Variants in SPTBN5 observed in about 807,000 individuals in gnomAD.
SPTBN5 encodes the protein spectrin beta chain, non-erythrocytic 5.
In SPTBN5, 513 loss-of-function variants were observed where a neutral mutation model predicts 477.6. The observed-to-expected ratio is 1.07, with a 90% CI of 1.00 to 1.16. The LOEUF (loss-of-function observed/expected upper bound fraction) is 1.16, where lower values mean the gene tolerates loss of function less well. Ranked by LOEUF, SPTBN5 falls within the 50% of genes most tolerant of loss-of-function variation. The pLI, the probability that SPTBN5 is intolerant of heterozygous loss-of-function variation, is 0.00. For synonymous variants in SPTBN5, 2,169 were observed against 2,011.7 expected, an observed-to-expected ratio of 1.08 and a Z score of -2.09; for missense variants, 5,062 against 4,731.8, an observed-to-expected ratio of 1.07 and a Z score of -2.05.
intron 62 of SPTBN5, 73 bp from the exon 63 acceptor site, chr15:41,851,923 C>A (rs2065778391): frequency 8.2e-7 from 1 of 1,220,320 alleles, no homozygotes; most frequent in African/African-American, 1.5e-5. Flanking sequence ...CACCCACTGC[C>A]CCCAGCTCTC....
chr15:41,863,943 T>A lies in SPTBN5; in HGVS notation c.7000A>T (p.Ile2334Phe), dbSNP rs747148266. The A allele has an allele frequency of 7.4e-6, 12 of 1,613,768 alleles. No individual in the cohort carries two copies. In the Admixed American group the frequency reaches 2.0e-4, roughly 27 times the overall value. The change falls in exon 40 of 68, where the codon ATC becomes TTC. Residue 2334 changes from isoleucine to phenylalanine, a missense_variant. Coordinates refer to ENST00000320955, the MANE Select transcript of SPTBN5 (RefSeq NM_016642.4). The stretch of plus-strand genomic sequence containing the variant: ...AGCTGGCTTCGCCGCTGGCAGATGA[T>A]CTTGACTTCCTCAGGGTCCCGGTTC... ...LKNRDPEEVKIICQRRSQLNN... is the reference protein window; with the variant it reads ...LKNRDPEEVKFICQRRSQLNN...
chr15:41,856,302 C>T, intron 53 of SPTBN5, 84 bp downstream of exon 53: 1 of 1,289,534 alleles, frequency 7.8e-7, no homozygotes, highest in Non-Finnish European at 1.0e-6. Flanking sequence ...GGTGCCCAGG[C>T]CAGGAGCCCC....
At chr15:41,873,105 G>C (rs950081490) in intron 26 of SPTBN5, among the ~76,000 whole-genome samples, 7 of 152,176 alleles carry the variant, frequency 4.6e-5, no homozygotes, top group African/African-American at 1.7e-4. Context: ...AAGGGCATTT[G>C]GTTAACTCAA....
rs779490283 is a variant in SPTBN5 at position 41,886,244 on chromosome 15, C to T, written c.1011G>A (p.Ser337=). The change falls in exon 7 of 68, where the codon TCG becomes TCA. Residue 337 remains serine, a synonymous_variant. Transcript: ENST00000320955. The part of the protein sequence containing the change: ...MQLEARDFPD[S]LPAMRQLLAA... ...CCAGTAGCTGCCGCATGGCGGGCAG[C>T]GAGTCTGGAAAATCCCGCGCCTCCA... is the stretch of plus-strand genomic sequence containing the variant. The T allele has an allele frequency of 1.7e-5, 27 of 1,612,982 alleles. No homozygotes were observed. The highest frequency in any genetic ancestry group is 1.6e-4 in the Middle Eastern group (1 of 6,084).
chr15:41,862,333 C>G (rs764028110), intron 43 of SPTBN5, 41 bp from the exon 44 acceptor site: 1 of 1,556,386 alleles, frequency 6.4e-7, no homozygotes, highest in African/African-American at 1.4e-5. Flanking sequence ...GGCCTTCAAA[C>G]CCCTCTCCCC....
Position 41,864,008 on chromosome 15 carries a change from G to A in SPTBN5, c.6935C>T (p.Ala2312Val). Reference protein sequence around the residue: ...GNSAGDTVGDACIRSISDLSL... With the variant: ...GNSAGDTVGDVCIRSISDLSL... ...CAAGTCACTGATGCTCCTGATGCAG[G>A]CATCACCCACTGTGTCCTGCAGGGG... Residue 2312 changes from alanine (A) to valine (V), a missense_variant, in exon 40 of 68, where the codon GCC becomes GTC. Coordinates refer to ENST00000320955, the MANE Select transcript of SPTBN5 (RefSeq NM_016642.4). 6.2e-7 allele frequency: 1 copy of A among 1,613,258 alleles called. No individual in the cohort carries two copies. The highest frequency in any genetic ancestry group is 8.5e-7 in the Non-Finnish European group (1 of 1,179,780).
chr15:41,893,654 C>T lies in SPTBN5; in HGVS notation c.-49-108G>A, dbSNP rs1054706652. Reference sequence around the variant, plus strand: ...TCCTCACATTTCATGGGGGTTGCAGCTTGGAGCCCAGCCAGGTAAGGGCCA... The same window carrying T: ...TCCTCACATTTCATGGGGGTTGCAGTTTGGAGCCCAGCCAGGTAAGGGCCA... On this transcript the variant is annotated intron_variant, in intron 1 of 67. Transcript: ENST00000320955. 3 of 1,355,216 alleles carry T rather than the reference C, an allele frequency of 2.2e-6. No homozygotes were observed. The African/African-American group carries it at 4.4e-5, about 20-fold the overall frequency. 83.9% of individuals were successfully genotyped at this position (1,355,216 alleles called of 1,614,324 possible).
chr15:41,850,109 G>T (rs565010963), intron 66 of SPTBN5, 150 bp from the exon 67 acceptor site: 1 of 673,928 alleles, frequency 1.5e-6, no homozygotes, highest in South Asian at 1.7e-5. Flanking sequence ...GGTGTGGGGC[G>T]GGCTGAGCAC....
chr15:41,867,267 G>T, intron 35 of SPTBN5, 141 bp from the exon 36 acceptor site: 1 of 1,064,786 alleles, frequency 9.4e-7, no homozygotes, highest in Non-Finnish European at 1.3e-6. Context: ...GATCCTCCCA[G>T]CCACAAGCCA....
intron 34 of SPTBN5, among the ~76,000 whole-genome samples, 184 bp from the exon 35 acceptor site, chr15:41,867,826 T>C (rs1266969235): frequency 2.6e-5 from 4 of 152,116 alleles, no homozygotes; most frequent in Admixed American, 2.6e-4. Flanking sequence ...CTCTGCACCA[T>C]GTGGGGAGCA....
Position 41,853,680 on chromosome 15 carries a change from C to A in SPTBN5, c.9882G>T (p.Glu3294Asp). The A allele has an allele frequency of 6.2e-7, 1 of 1,603,440 alleles. No homozygotes were observed. The highest frequency in any genetic ancestry group is 8.5e-7 in the Non-Finnish European group (1 of 1,177,234). The change falls in exon 58 of 68, where the codon GAG becomes GAT. Residue 3294 changes from glutamate to aspartate, a missense_variant. Physicochemically the swap from Glu to Asp is conservative, Grantham distance 45 (BLOSUM62 2). Transcript: ENST00000320955. ...CCTTCGCCTGCAGGGTGGCCCAGGC[C>A]TCCTGCACCTTGGCCAGGCCCCCCG... ...AAPGGLAKVQEAWATLQAKAQ... is the reference protein window; with the variant it reads ...AAPGGLAKVQDAWATLQAKAQ...
intron 5 of SPTBN5, among the ~76,000 whole-genome samples, 172 bp from the exon 6 acceptor site, chr15:41,887,613 G>A (rs1423902891): frequency 2.0e-5 from 3 of 152,226 alleles, no homozygotes; most frequent in Admixed American, 1.3e-4. Flanking sequence ...CAGAGAAAGA[G>A]GAGAGTTCAT....
chr15:41,878,529 C>A lies in SPTBN5; in HGVS notation c.3283G>T (p.Ala1095Ser). ...GCCTGAGTCTCAGCCTGGCGCCGGG[C>A]CCGTTGGGCCACTTGTTCCTGTACT... ...KQVQEQVAQR[A>S]RRQAETQARQ... Residue 1095 changes from alanine (A) to serine (S), a missense_variant, in exon 17 of 68, where the codon GCC becomes TCC. Transcript: ENST00000320955. The A allele has an allele frequency of 6.2e-7, 1 of 1,612,922 alleles. No homozygotes were observed. The highest frequency in any genetic ancestry group is 8.5e-7 in the Non-Finnish European group (1 of 1,179,698).
Position 41,848,278 on chromosome 15 carries a change from ACGTCTG to A in SPTBN5, c.*332_*337del. The A allele has an allele frequency of 3.9e-6, 2 of 506,432 alleles. No homozygotes were observed. Among genetic ancestry groups the A allele is most frequent in the Non-Finnish European group, 7.2e-6 (2 of 278,822 alleles). 31.4% of individuals were successfully genotyped at this position (506,432 alleles called of 1,614,324 possible). ...CCTCCGAAGAGCACATTCTCTGCAC[ACGTCTG>A]CGTCTACCTGTGCTCAGAGTCACCC... On this transcript the variant is annotated 3_prime_UTR_variant, in exon 68 of 68. Transcript: ENST00000320955.
chr15:41,879,770 G>A lies in SPTBN5; in HGVS notation c.2906C>T (p.Thr969Ile), dbSNP rs2066884595. Residue 969 changes from threonine (T) to isoleucine (I), a missense_variant, in exon 15 of 68, where the codon ACA becomes ATA. Transcript: ENST00000320955. ...QLRQRYPGNS[T>I]QIQRQQEELS... Reference sequence around the variant, plus strand: ...TTCCTCCTGCTGTCGTTGGATTTGTGTGGAGTTCCCAGGATATCTCTGCCT... The same window carrying A: ...TTCCTCCTGCTGTCGTTGGATTTGTATGGAGTTCCCAGGATATCTCTGCCT... 4.3e-6 allele frequency: 7 copies of A among 1,614,040 alleles called. No homozygotes were observed. The highest frequency in any genetic ancestry group is 5.1e-6 in the Non-Finnish European group (6 of 1,179,904).
At chr15:41,857,177 C>G in intron 51 of SPTBN5, 61 bp downstream of exon 51, 1 of 1,537,314 alleles carries the variant, frequency 6.5e-7, no homozygotes, top group Non-Finnish European at 8.8e-7. Flanking sequence ...GTTAAGAGGG[C>G]AGGGGTGGGG....
chr15:41,866,397 C>A lies in SPTBN5; in HGVS notation c.6577G>T (p.Ala2193Ser). ...DKLKPLLKHQ[A>S]FEAEVQAHEE... ...TGGGCCTGGACTTCAGCCTCAAAGG[C>A]CTGGTGTTTCAGCAGGGGCTTCAGC... is the stretch of plus-strand genomic sequence containing the variant. The change falls in exon 37 of 68, where the codon GCC becomes TCC. Residue 2193 changes from alanine (A) to serine (S), a missense_variant. Physicochemically the swap from Ala to Ser is moderately conservative, Grantham distance 99. Transcript: ENST00000320955. The A allele has an allele frequency of 6.2e-7, 1 of 1,611,820 alleles. No individual in the cohort carries two copies. Among genetic ancestry groups the A allele is most frequent in the Non-Finnish European group, 8.5e-7 (1 of 1,178,934 alleles).
Position 41,852,104 on chromosome 15 carries a change from A to T in SPTBN5, c.10584+78T>A, listed in dbSNP as rs1595439016. 5 of 1,484,090 alleles carry T rather than the reference A, an allele frequency of 3.4e-6. No individual in the cohort carries two copies. The Admixed American group carries it at 1.1e-4, about 33-fold the overall frequency. 91.9% of individuals were successfully genotyped at this position (1,484,090 alleles called of 1,614,324 possible). On this transcript the variant is annotated intron_variant, in intron 62 of 67. Transcript: ENST00000320955. ...CACTGGCTCCAGGGTGTGGGCCCTC[A>T]CCCCCACAGCCCCAGCCCCACTGCA...
chr15:41,876,412 C>T (rs1439822439), intron 20 of SPTBN5, 128 bp from the exon 21 acceptor site: 8 of 1,366,890 alleles, frequency 5.9e-6, no homozygotes, highest in African/African-American at 1.4e-5. Flanking sequence ...AGCTGTGTTG[C>T]CTGCCTCACA....
Sources: allele counts gnomAD v4.1 joint callset (sites outside exome capture counted in the v4.1 genomes callset), GRCh38; gene constraint gnomAD v4.1.1; transcripts MANE v1.5; gene names NCBI Gene and HGNC (gene_info 2026-07-23, HGNC 2026-07-21).